The following NKTR variants were observed in gnomAD, a reference collection of about 807,000 sequenced individuals.
The protein encoded by NKTR is NK-tumor recognition protein.
Under a neutral mutation model 156.3 loss-of-function variants are expected in NKTR, and 67 were observed. The ratio of observed to expected loss-of-function variants is 0.43; its 90% CI spans 0.35 to 0.53. NKTR has a LOEUF of 0.53. Ranked by LOEUF, NKTR falls within the 20% of genes least tolerant of loss-of-function variation. The probability of loss-of-function intolerance (pLI) is 0.01; values close to 1 mark genes in which losing one functional copy is unlikely to be tolerated. For synonymous variants in NKTR, 640 were observed against 596.6 expected (o/e 1.07, Z -1.06); for missense variants, 1,604 against 1,730.9 (o/e 0.93, Z 1.30).
chr3:42,643,366 C>T lies in NKTR; in HGVS notation c.4170C>T (p.Ser1390=). 6.2e-7 allele frequency: 1 copy of T among 1,614,096 alleles called. No individual in the cohort carries two copies. The highest frequency in any genetic ancestry group is 1.7e-5 in the Admixed American group (1 of 60,026). Residue 1390 remains serine (S), a synonymous_variant, in exon 15 of 17, where the codon AGC becomes AGT. Coordinates refer to ENST00000232978, the MANE Select transcript of NKTR (RefSeq NM_005385.4). ...CGTCCAGCAGGAGCAGATCCAGGAGCAGCTCATATGATCCCCACAGTCGAT... is the reference window on the plus strand; with the variant it reads ...CGTCCAGCAGGAGCAGATCCAGGAGTAGCTCATATGATCCCCACAGTCGAT... ...HRTSSRSRSR[S]SSYDPHSRSR...
intron 2 of NKTR, among the ~76,000 whole-genome samples, chr3:42,606,704 T>C (rs189480037): frequency 6.6e-6 from 1 of 152,324 alleles, no homozygotes; most frequent in Admixed American, 6.5e-5. Flanking sequence ...TTACTTTTAT[T>C]TTAAATTTTT....
upstream of NKTR, chr3:42,600,684 G>A (rs1705289441): frequency 4.6e-6 from 1 of 217,656 alleles, no homozygotes; most frequent in Non-Finnish European, 9.1e-6. Context: ...CCTGGGGGAG[G>A]AGACGGCGTT....
Position 42,635,247 on chromosome 3 carries a change from A to C in NKTR, c.1044A>C (p.Arg348Ser). 1 of 1,613,508 alleles carries C rather than the reference A, an allele frequency of 6.2e-7. No homozygotes were observed. Among genetic ancestry groups the C allele is most frequent in the Non-Finnish European group, 8.5e-7 (1 of 1,179,834 alleles). The change falls in exon 12 of 17, where the codon AGA becomes AGC. Residue 348 changes from arginine (R) to serine (S), a missense_variant. Transcript: ENST00000232978. ...TIRYHTPPRSRSCSESDDDDS... is the reference protein window; with the variant it reads ...TIRYHTPPRSSSCSESDDDDS... ...GCTATCACACACCTCCAAGATCAAGATCCTGTTCTGAGTCAGATGATGATG... is the reference window on the plus strand; with the variant it reads ...GCTATCACACACCTCCAAGATCAAGCTCCTGTTCTGAGTCAGATGATGATG...
At chr3:42,601,120 A>C (rs1403552983) in intron 2 of NKTR, 56 bp downstream of exon 2, 1 of 1,447,654 alleles carries the variant, frequency 6.9e-7, no homozygotes, top group East Asian at 2.7e-5. Context: ...GGCGAAGGGG[A>C]GGGGTCTACC....
In NKTR at chr3:42,635,327, A is replaced by G. The variant is rs902837681; in HGVS notation, c.1124A>G (p.Tyr375Cys). The G allele has an allele frequency of 1.2e-6, 2 of 1,613,262 alleles. No individual in the cohort carries two copies. Among genetic ancestry groups the G allele is most frequent in the African/African-American group, 2.7e-5 (2 of 74,890 alleles). The stretch of plus-strand genomic sequence containing the variant: ...GAGGAAATGCAGAGATTAAGAGCAT[A>G]TAGACCACCTAGTGGAGAAAAATGG... ...WKEEMQRLRA[Y>C]RPPSGEKWSK... Residue 375 changes from tyrosine to cysteine, a missense_variant, in exon 12 of 17, where the codon TAT becomes TGT. This residue lies in a region of NKTR where 1,255 missense variants were observed against 1,243.7 expected (regional missense o/e 1.01). Coordinates refer to ENST00000232978, the MANE Select transcript of NKTR (RefSeq NM_005385.4).
chr3:42,613,221 A>C (rs1296212305), intron 2 of NKTR, among the ~76,000 whole-genome samples: 1 of 152,142 alleles, frequency 6.6e-6, no homozygotes, highest in African/African-American at 2.4e-5. Flanking sequence ...TGTCATTCCT[A>C]GCCAAGATGT....
At position 42,639,035 on chromosome 3, in the gene NKTR, G is replaced by T; in HGVS notation, c.3331G>T (p.Val1111Phe). ...NVACLQNIQH[V>F]EESVPNGVED... The stretch of plus-strand genomic sequence containing the variant: ...GGCCTGTTTACAAAACATTCAGCAC[G>T]TTGAAGAAAGTGTTCCCAATGGAGT... Residue 1111 changes from valine to phenylalanine, a missense_variant, in exon 13 of 17, where the codon GTT (valine) becomes TTT (phenylalanine). Val to Phe is a conservative substitution (Grantham distance 50). Transcript: ENST00000232978. 2 of 1,613,910 alleles carry T rather than the reference G, an allele frequency of 1.2e-6. No homozygotes were observed. The highest frequency in any genetic ancestry group is 1.7e-6 in the Non-Finnish European group (2 of 1,179,934).
At chr3:42,645,130 T>C (rs1710242418) in intron 16 of NKTR, among the ~76,000 whole-genome samples, 1 of 146,548 alleles carries the variant, frequency 6.8e-6, no homozygotes, top group African/African-American at 2.5e-5. Flanking sequence ...CCACCCCTCA[T>C]TGGACCCCAT....
At position 42,638,103 on chromosome 3, in the gene NKTR, A is replaced by G. The variant is rs757049315; in HGVS notation, c.2399A>G (p.Glu800Gly). ...TCTTCATGTGTGAGAAAGTATAGCG[A>G]GAGCAGATCATCTTTAGATTATTCT... ...DRSSCVRKYSESRSSLDYSSD... is the reference protein window; with the variant it reads ...DRSSCVRKYSGSRSSLDYSSD... The change falls in exon 13 of 17, where the codon GAG becomes GGG. Residue 800 changes from glutamate to glycine, a missense_variant. Glu to Gly is a moderately conservative substitution (Grantham distance 98). Around this residue, in one of 6 missense-constraint regions of NKTR, gnomAD observed 1,255 missense variants for 1,243.7 expected, o/e 1.01. Transcript: ENST00000232978. 1 of 1,614,094 alleles carries G rather than the reference A, an allele frequency of 6.2e-7. No homozygotes were observed. Among genetic ancestry groups the G allele is most frequent in the Non-Finnish European group, 8.5e-7 (1 of 1,180,034 alleles).
At chr3:42,621,792 C>A (rs1707927773) in intron 6 of NKTR, among the ~76,000 whole-genome samples, 1 of 151,648 alleles carries the variant, frequency 6.6e-6, no homozygotes, top group African/African-American at 2.4e-5. Flanking sequence ...ATATTTAAGC[C>A]CCTGTCAAAT....
At chr3:42,635,517 G>A (rs1709317760) in intron 12 of NKTR, 151 bp downstream of exon 12, 1 of 585,852 alleles carries the variant, frequency 1.7e-6, no homozygotes, top group Non-Finnish European at 2.9e-6. Flanking sequence ...ACTACTTGAT[G>A]AAAGTAGTAC....
At chr3:42,631,787 G>T (rs1475289187) in intron 8 of NKTR, among the ~76,000 whole-genome samples, 1 of 152,170 alleles carries the variant, frequency 6.6e-6, no homozygotes, top group Non-Finnish European at 1.5e-5. Flanking sequence ...GCCCTGGCTG[G>T]TCTGGCTCTC....
chr3:42,605,901 TG>T (rs1369438473), intron 2 of NKTR, among the ~76,000 whole-genome samples: 1 of 152,236 alleles, frequency 6.6e-6, no homozygotes, highest in African/African-American at 2.4e-5. Flanking sequence ...TCTTATAGAT[TG>T]TATTAGAGTA....
intron 8 of NKTR, among the ~76,000 whole-genome samples, chr3:42,632,121 G>A (rs1043440036): frequency 1.4e-5 from 2 of 139,678 alleles, no homozygotes; most frequent in South Asian, 4.8e-4. Flanking sequence ...CCAGGCTGGA[G>A]TGCAGTGGCA....
intron 6 of NKTR, chr3:42,627,753 TTTC>T: frequency 1.0e-6 from 1 of 983,744 alleles, no homozygotes; most frequent in Non-Finnish European, 1.2e-6. Flanking sequence ...TTTGTGGTTT[TTTC>T]TTTTTTAGGT....
At chr3:42,645,243 G>A (rs188509355) in intron 16 of NKTR, among the ~76,000 whole-genome samples, 1 of 152,184 alleles carries the variant, frequency 6.6e-6, no homozygotes, top group East Asian at 1.9e-4. Context: ...GTAATATGGG[G>A]AAACTATTCT....
intron 3 of NKTR, 93 bp from the exon 4 acceptor site, chr3:42,618,927 A>G: frequency 9.2e-7 from 1 of 1,092,042 alleles, no homozygotes; most frequent in Admixed American, 2.7e-5. Flanking sequence ...AGCACACAGG[A>G]AAGATTTGAC....
At chr3:42,621,053 A>C in intron 5 of NKTR, 1 of 983,748 alleles carries the variant, frequency 1.0e-6, no homozygotes, top group African/African-American at 1.7e-5. Context: ...CATGTATAGC[A>C]CATTAGGCAA....
intron 14 of NKTR, 28 bp downstream of exon 14, chr3:42,642,624 T>C: frequency 6.5e-7 from 1 of 1,528,272 alleles, no homozygotes; most frequent in South Asian, 1.1e-5. Context: ...CCCTGTGATG[T>C]GGTCTCCATC....
Sources: gnomAD v4.1 joint callset for allele counts (sites outside exome capture counted in the v4.1 genomes callset) on GRCh38, gnomAD v4.1.1 for gene constraint, gnomAD v4.1.1 regional missense constraint, MANE v1.5 for transcripts, NCBI Gene and HGNC (gene_info 2026-07-23, HGNC 2026-07-21) for gene names.